DOCK8: variants seen among roughly 807,000 people sequenced by gnomAD.
The protein encoded by DOCK8 is dedicator of cytokinesis protein 8.
Under a neutral mutation model 245.6 loss-of-function variants are expected in DOCK8, and 141 were observed. The observed-to-expected ratio is 0.57, with a 90% CI of 0.50 to 0.66. The LOEUF (loss-of-function observed/expected upper bound fraction) is 0.66, where lower values mean the gene tolerates loss of function less well. Ranked by LOEUF, DOCK8 falls within the 30% of genes least tolerant of loss-of-function variation. The probability of loss-of-function intolerance (pLI) is 0.00; values close to 1 mark genes in which losing one functional copy is unlikely to be tolerated. For synonymous variants in DOCK8, 1,168 were observed against 970.2 expected (o/e 1.20, Z -3.79); for missense variants, 2,965 against 2,603.4 (o/e 1.14, Z -3.02).
chr9:342,297 C>CTTTTTTTT (rs34071975), intron 14 of DOCK8, among the ~76,000 whole-genome samples: 30 of 124,410 alleles, frequency 2.4e-4, no homozygotes, highest in Non-Finnish European at 4.2e-4. Flanking sequence ...TTTCTTTTTT[C>CTTTTTTTT]TTTTTTTTTT....
At chr9:414,432 T>A (rs1227142740) in intron 28 of DOCK8, among the ~76,000 whole-genome samples, 2 of 152,270 alleles carry the variant, frequency 1.3e-5, no homozygotes, top group Admixed American at 1.3e-4. Flanking sequence ...GCAGTCTGTT[T>A]CTGGATTCTA....
At position 370,218 on chromosome 9, in the gene DOCK8, A is replaced by G; in HGVS notation, c.1798-12A>G. The G allele has an allele frequency of 2.5e-6, 4 of 1,611,100 alleles. 1 individual carries two copies. Among genetic ancestry groups the G allele is most frequent in the East Asian group, 4.5e-5 (2 of 44,874 alleles). On this transcript the variant is annotated splice_polypyrimidine_tract_variant and intron_variant, in intron 15 of 47. Transcript: ENST00000432829. Reference sequence around the variant, plus strand: ...TTACTGATAATTTGATCCTTTCTCTACTGGTGAACAGGTCATCTTTGGAAA... The same window carrying G: ...TTACTGATAATTTGATCCTTTCTCTGCTGGTGAACAGGTCATCTTTGGAAA...
At chr9:345,441 G>A (rs1472064498) in intron 14 of DOCK8, among the ~76,000 whole-genome samples, 2 of 152,160 alleles carry the variant, frequency 1.3e-5, no homozygotes, top group African/African-American at 4.8e-5. Flanking sequence ...AAACTGCAGA[G>A]CCCCCCTGGG....
chr9:409,219 A>T (rs965979853), intron 28 of DOCK8, among the ~76,000 whole-genome samples: 1 of 152,184 alleles, frequency 6.6e-6, no homozygotes, highest in Non-Finnish European at 1.5e-5. Context: ...AGGGAGCTAC[A>T]GCTCCAGTTT....
intron 1 of DOCK8, among the ~76,000 whole-genome samples, chr9:260,725 A>G (rs1320401842): frequency 6.6e-6 from 1 of 152,232 alleles, no homozygotes; most frequent in Non-Finnish European, 1.5e-5. Flanking sequence ...AGTAGAATAC[A>G]TATGCAGCTG....
chr9:354,604 G>T (rs2052336550), intron 14 of DOCK8, among the ~76,000 whole-genome samples: 1 of 152,310 alleles, frequency 6.6e-6, no homozygotes, highest in African/African-American at 2.4e-5. Context: ...GAGGATGTCA[G>T]CCTAGGCTGC....
chr9:274,131 C>T (rs1303526579), intron 2 of DOCK8, among the ~76,000 whole-genome samples: 1 of 152,184 alleles, frequency 6.6e-6, no homozygotes, highest in Non-Finnish European at 1.5e-5. Context: ...GCTGCCTCCT[C>T]AGTAAGTTTT....
At chr9:297,565 T>G (rs1045804677) in intron 4 of DOCK8, among the ~76,000 whole-genome samples, 2 of 152,176 alleles carry the variant, frequency 1.3e-5, no homozygotes, top group Admixed American at 6.5e-5. Context: ...GGAACTTGGC[T>G]TTATTTGACT....
At chr9:309,383 ATG>A (rs2049996542) in intron 5 of DOCK8, among the ~76,000 whole-genome samples, 1 of 152,330 alleles carries the variant, frequency 6.6e-6, no homozygotes, top group Non-Finnish European at 1.5e-5. Flanking sequence ...GTCACAAAAA[ATG>A]TGTAGTATGG....
chr9:246,980 C>T (rs968782223), intron 1 of DOCK8, among the ~76,000 whole-genome samples: 1 of 151,730 alleles, frequency 6.6e-6, no homozygotes, highest in Non-Finnish European at 1.5e-5. Context: ...GGTGATACCA[C>T]AGAAAAAAAA....
chr9:360,879 G>C (rs761106548), intron 14 of DOCK8, among the ~76,000 whole-genome samples: 1 of 152,168 alleles, frequency 6.6e-6, no homozygotes, highest in Non-Finnish European at 1.5e-5. Context: ...GAGCATTTCA[G>C]CTGGTCACAG....
intron 1 of DOCK8, among the ~76,000 whole-genome samples, chr9:264,055 G>C (rs1361693300): frequency 3.9e-5 from 6 of 152,258 alleles, no homozygotes; most frequent in Non-Finnish European, 8.8e-5. Context: ...TTGGGATCCA[G>C]CTTACACAGG....
At chr9:314,922 A>G (rs2050278238) in intron 6 of DOCK8, among the ~76,000 whole-genome samples, 1 of 152,188 alleles carries the variant, frequency 6.6e-6, no homozygotes, top group African/African-American at 2.4e-5. Flanking sequence ...CTTAACCACC[A>G]AGCTTCTATA....
chr9:442,003 A>G lies in DOCK8; in HGVS notation c.5484A>G (p.Arg1828=), dbSNP rs2131814086. 6.2e-7 allele frequency: 1 copy of G among 1,613,984 alleles called. No individual in the cohort carries two copies. Among genetic ancestry groups the G allele is most frequent in the South Asian group, 1.1e-5 (1 of 91,082 alleles). ...CCAAGCTTCCTGAGATCTCACATAG[A>G]CTAGAGGTAAGAAAAGTGATTCTGT... The part of the protein sequence containing the change: ...AITKLPEISH[R]LEAFYGQCFG... Residue 1828 remains arginine, a synonymous_variant, in exon 42 of 48, where the codon AGA becomes AGG. Transcript: ENST00000432829.
chr9:243,390 A>G (rs992046557), intron 1 of DOCK8, among the ~76,000 whole-genome samples: 1 of 152,196 alleles, frequency 6.6e-6, no homozygotes, highest in Admixed American at 6.5e-5. Context: ...CTGGGAAGAC[A>G]TCATGGTGTG....
At chr9:348,460 T>G (rs1375628773) in intron 14 of DOCK8, among the ~76,000 whole-genome samples, 1 of 152,178 alleles carries the variant, frequency 6.6e-6, no homozygotes, top group Non-Finnish European at 1.5e-5. Flanking sequence ...TACCTAAAAG[T>G]CCTGCGGTCG....
rs975030785 is a variant in DOCK8 at position 426,975 on chromosome 9, T to C, written c.4332T>C (p.Ile1444=). The C allele has an allele frequency of 6.2e-7, 1 of 1,613,736 alleles. No individual in the cohort carries two copies. The highest frequency in any genetic ancestry group is 8.5e-7 in the Non-Finnish European group (1 of 1,179,746). The stretch of plus-strand genomic sequence containing the variant: ...TCATCCTGGATATGCAGGAAAACAT[T>C]ATCCAGGTGAGGAAAACAAACACCC... ...HLIILDMQEN[I]IQASSALDCK... is the part of the protein sequence containing the mutation. The change falls in exon 34 of 48, where the codon ATT becomes ATC. Residue 1444 remains isoleucine, a synonymous_variant. Coordinates refer to ENST00000432829, the MANE Select transcript of DOCK8 (RefSeq NM_203447.4).
chr9:386,209 T>C, intron 22 of DOCK8, 122 bp from the exon 23 acceptor site: 1 of 803,244 alleles, frequency 1.2e-6, no homozygotes, highest in Admixed American at 2.0e-5. Context: ...GCAATTGTTT[T>C]ACCTTTGTAA....
intron 2 of DOCK8, among the ~76,000 whole-genome samples, chr9:273,810 A>T (rs2048234942): frequency 9.4e-6 from 1 of 106,118 alleles, no homozygotes; most frequent in African/African-American, 4.4e-5. Flanking sequence ...TAGTTCAAGC[A>T]ATTCTCCTGC....
Sources: gnomAD v4.1 joint callset for allele counts (sites outside exome capture counted in the v4.1 genomes callset) on GRCh38, gnomAD v4.1.1 for gene constraint, MANE v1.5 for transcripts, NCBI Gene and HGNC (gene_info 2026-07-23, HGNC 2026-07-21) for gene names.